PDE4D: variants seen among roughly 807,000 people sequenced by gnomAD.
The protein encoded by PDE4D is 3',5'-cyclic-AMP phosphodiesterase 4D.
A neutral mutation model predicts 87.4 loss-of-function variants in PDE4D; 24 were observed. The ratio of observed to expected loss-of-function variants is 0.27; its 90% CI spans 0.20 to 0.39. The LOEUF (loss-of-function observed/expected upper bound fraction) is 0.39. Among genes scored for constraint, PDE4D ranks in the 10% least tolerant of loss-of-function variants. PDE4D has a pLI of 1.00. For missense variants in PDE4D, 714 were observed against 1,041.0 expected (o/e 0.69, Z 4.32); for synonymous variants, 384 against 383.2 (o/e 1.00, Z -0.02).
At chr5:59,853,039 A>G (rs1347856146) in intron 1 of PDE4D, among the ~76,000 whole-genome samples, 2 of 151,994 alleles carry the variant, frequency 1.3e-5, no homozygotes, top group Non-Finnish European at 2.9e-5. Flanking sequence ...TATATTTAAC[A>G]CTCCCTTAAC....
rs369305395 is a variant in PDE4D at position 59,756,535 on chromosome 5, C to CAG, written c.455+136631_455+136632dup. Among the ~76,000 whole-genome samples, 17 of 150,086 alleles carry CAG rather than the reference C, an allele frequency of 1.1e-4. No homozygotes were observed. The South Asian group carries it at 3.2e-3, about 28-fold the overall frequency. On this transcript the variant is annotated intron_variant, in intron 1 of 14. Coordinates refer to ENST00000340635, the MANE Select transcript of PDE4D (RefSeq NM_001104631.2). ...ACACACACACACACACACACACACA[C>CAG]AGAGACACACACTGAGTCATGGTGA...
intron 1 of PDE4D, among the ~76,000 whole-genome samples, chr5:59,232,116 T>C (rs1471784806): frequency 6.6e-6 from 1 of 152,094 alleles, no homozygotes; most frequent in African/African-American, 2.4e-5. Flanking sequence ...CAGATCGAAA[T>C]AGGCTTCCCT....
At chr5:60,354,646 G>A (rs2149935898) in intron 1 of PDE4D, among the ~76,000 whole-genome samples, 1 of 152,222 alleles carries the variant, frequency 6.6e-6, no homozygotes, top group African/African-American at 2.4e-5. Flanking sequence ...ATAAATCTAA[G>A]TCACCACAAT....
chr5:59,084,070 A>T (rs1423738579), intron 5 of PDE4D, among the ~76,000 whole-genome samples: 2 of 152,100 alleles, frequency 1.3e-5, no homozygotes, highest in African/African-American at 4.8e-5. Flanking sequence ...TCTAAAAAAT[A>T]AGATTAAGAG....
intron 1 of PDE4D, among the ~76,000 whole-genome samples, chr5:60,499,780 C>G (rs896071186): frequency 1.3e-5 from 2 of 152,182 alleles, no homozygotes; most frequent in Non-Finnish European, 2.9e-5. Context: ...AGTTGCACTG[C>G]TGGCCCAGAC....
intron 1 of PDE4D, among the ~76,000 whole-genome samples, chr5:59,292,290 G>T (rs1230103265): frequency 1.3e-5 from 2 of 152,090 alleles, no homozygotes; most frequent in Non-Finnish European, 2.9e-5. Context: ...ATTCTTATTA[G>T]AGTGATAAAA....
intron 1 of PDE4D, among the ~76,000 whole-genome samples, chr5:59,408,225 C>T (rs1469972781): frequency 6.6e-6 from 1 of 152,214 alleles, no homozygotes; most frequent in Non-Finnish European, 1.5e-5. Context: ...CTGCTCCTTG[C>T]ATCATGGTCC....
intron 5 of PDE4D, among the ~76,000 whole-genome samples, chr5:59,053,322 C>T (rs557265497): frequency 6.7e-6 from 1 of 150,256 alleles, no homozygotes; most frequent in Non-Finnish European, 1.5e-5. Flanking sequence ...AATTGCCTAA[C>T]AATTTTCTTC....
intron 1 of PDE4D, among the ~76,000 whole-genome samples, chr5:60,367,559 A>G (rs1051479202): frequency 2.6e-5 from 4 of 151,900 alleles, no homozygotes; most frequent in African/African-American, 9.7e-5. Context: ...ACTCCTTAAT[A>G]GAATATGAGT....
chr5:59,469,260 G>A (rs933518808), intron 1 of PDE4D, among the ~76,000 whole-genome samples: 7 of 151,922 alleles, frequency 4.6e-5, no homozygotes, highest in African/African-American at 1.2e-4. Flanking sequence ...CCAAGGAGAC[G>A]GACCTTGCAG....
At chr5:59,052,204 G>C (rs1761657709) in intron 5 of PDE4D, among the ~76,000 whole-genome samples, 1 of 152,172 alleles carries the variant, frequency 6.6e-6, no homozygotes, top group South Asian at 2.1e-4. Flanking sequence ...GGGAGGTATG[G>C]ACTATAGCTC....
chr5:60,460,063 C>A (rs1407097889), intron 1 of PDE4D: 19 of 1,589,914 alleles, frequency 1.2e-5, no homozygotes, highest in Non-Finnish European at 1.5e-5. Context: ...GGTGACCTCT[C>A]ATAACTCATC....
intron 5 of PDE4D, among the ~76,000 whole-genome samples, chr5:59,175,777 C>A (rs1177221748): frequency 7.9e-6 from 1 of 126,498 alleles, no homozygotes; most frequent in Non-Finnish European, 1.6e-5. Context: ...CATGCCCGGC[C>A]TCCATTTTTT....
intron 1 of PDE4D, among the ~76,000 whole-genome samples, chr5:60,479,219 C>G (rs116167226): frequency 0.018 from 2,778 of 152,152 alleles, 69 homozygotes; most frequent in African/African-American, 0.064. Flanking sequence ...TGAATAATTG[C>G]ATGAAAAAAG....
intron 2 of PDE4D, among the ~76,000 whole-genome samples, chr5:60,125,421 A>G (rs1487518278): frequency 6.6e-6 from 1 of 152,086 alleles, no homozygotes; most frequent in East Asian, 1.9e-4. Context: ...AGCCATCATA[A>G]TCTCCTGCCT....
intron 1 of PDE4D, among the ~76,000 whole-genome samples, chr5:60,288,269 T>TA (rs1410221954): frequency 6.6e-6 from 1 of 152,218 alleles, no homozygotes; most frequent in African/African-American, 2.4e-5. Context: ...ATCAAATACT[T>TA]ACAGGAGGAG....
At chr5:59,510,667 G>A (rs1446706662) in intron 1 of PDE4D, among the ~76,000 whole-genome samples, 2 of 151,720 alleles carry the variant, frequency 1.3e-5, no homozygotes, top group Non-Finnish European at 3.0e-5. Flanking sequence ...GACTTACCTG[G>A]AAAAATATAG....
chr5:59,211,234 T>C (rs982027438), intron 2 of PDE4D, among the ~76,000 whole-genome samples: 1 of 152,202 alleles, frequency 6.6e-6, no homozygotes, highest in African/African-American at 2.4e-5. Flanking sequence ...CTTACTTTTC[T>C]TAAGAATTAA....
At chr5:59,220,377 CAAAAAAAAAAAAAAAAA>C (rs57610513) in intron 1 of PDE4D, among the ~76,000 whole-genome samples, 1 of 36,156 alleles carries the variant, frequency 2.8e-5, no homozygotes, top group Admixed American at 4.0e-4. Flanking sequence ...GACTCTGTCT[CAAAAAAAAAAAAAAAAA>C]AAAAAAAAGA....
Sources: gnomAD v4.1 joint callset for allele counts (sites outside exome capture counted in the v4.1 genomes callset) on GRCh38, gnomAD v4.1.1 for gene constraint, MANE v1.5 for transcripts, NCBI Gene and HGNC (gene_info 2026-07-23, HGNC 2026-07-21) for gene names.